Variants in MTMR8 observed in about 807,000 individuals in gnomAD.
MTMR8 encodes myotubularin related protein 8.
In MTMR8, 65 loss-of-function variants were observed where a neutral mutation model predicts 39.3. That is an observed-to-expected ratio of 1.65 (90% CI 1.35 to 2.03). MTMR8 has a LOEUF of 2.03. Ranked by LOEUF, MTMR8 falls within the 30% of genes most tolerant of loss-of-function variation. The probability of loss-of-function intolerance (pLI) is 0.00; values close to 1 mark genes in which losing one functional copy is unlikely to be tolerated. For synonymous variants in MTMR8, 245 were observed against 185.2 expected, an observed-to-expected ratio of 1.32 and a Z score of -2.62; for missense variants, 777 against 538.9, an observed-to-expected ratio of 1.44 and a Z score of -4.37.
chrX:64,394,256 A>G (rs1291309710), intron 1 of MTMR8, among the ~76,000 whole-genome samples: 1 of 111,885 alleles, frequency 8.9e-6, no homozygotes, highest in East Asian at 2.8e-4. Context: ...CCCTCCCACA[A>G]CACGTGAGAA....
At chrX:64,384,587 G>A (rs1352415562) in intron 1 of MTMR8, among the ~76,000 whole-genome samples, 1 of 112,470 alleles carries the variant, frequency 8.9e-6, no homozygotes, top group Non-Finnish European at 1.9e-5. Flanking sequence ...GCCCCTGCAA[G>A]CTTAACACCA....
intron 12 of MTMR8, among the ~76,000 whole-genome samples, chrX:64,326,058 C>G (rs975313593): frequency 8.9e-6 from 1 of 111,878 alleles, no homozygotes; most frequent in Non-Finnish European, 1.9e-5. Flanking sequence ...GTATTATACA[C>G]TGTATTCTTA....
At chrX:64,341,546 G>A (rs1387621128) in intron 8 of MTMR8, among the ~76,000 whole-genome samples, 3 of 106,449 alleles carry the variant, frequency 2.8e-5, no homozygotes, top group Non-Finnish European at 5.8e-5. Flanking sequence ...GTATTAATAT[G>A]TGTAACTCTA....
At chrX:64,317,462 C>A (rs770901666) in intron 12 of MTMR8, among the ~76,000 whole-genome samples, 1 of 111,706 alleles carries the variant, frequency 9.0e-6, no homozygotes, top group Non-Finnish European at 1.9e-5. Flanking sequence ...TTTCCTCTTT[C>A]CCTTCCACTC....
intron 1 of MTMR8, among the ~76,000 whole-genome samples, chrX:64,371,815 T>A (rs777082334): frequency 9.0e-6 from 1 of 110,717 alleles, no homozygotes; most frequent in East Asian, 2.9e-4. Context: ...AAGAACATTA[T>A]ATTAAAATGG....
chrX:64,345,260 A>T lies in MTMR8; in HGVS notation c.733-83T>A. ...CATCAATCTCAATGCCTCATTCTGAACCGTTTAAAATCCTACCCAATTAAA... is the reference window on the plus strand; with the variant it reads ...CATCAATCTCAATGCCTCATTCTGATCCGTTTAAAATCCTACCCAATTAAA... On this transcript the variant is annotated intron_variant, in intron 6 of 13. Coordinates refer to ENST00000374852, the MANE Select transcript of MTMR8 (RefSeq NM_017677.4). 8 of 989,578 alleles carry T rather than the reference A, an allele frequency of 8.1e-6. No homozygotes were observed. The South Asian group carries it at 1.6e-4, about 20-fold the overall frequency. The allele number at this position is 989,578 out of a possible 1,213,427, so 81.6% of individuals were successfully genotyped here.
intron 12 of MTMR8, among the ~76,000 whole-genome samples, chrX:64,327,981 T>C (rs904239162): frequency 8.9e-6 from 1 of 111,986 alleles, no homozygotes; most frequent in South Asian, 3.7e-4. Context: ...AGTACAATTA[T>C]TGTGTCAATT....
At chrX:64,336,052 C>T (rs772770526) in intron 10 of MTMR8, 27 bp downstream of exon 10, 2 of 1,154,328 alleles carry the variant, frequency 1.7e-6, no homozygotes, top group Non-Finnish European at 2.3e-6. Context: ...TCCTCAGCCC[C>T]TTCCTTCAAA....
At chrX:64,313,096 G>T (rs949685733) in intron 12 of MTMR8, among the ~76,000 whole-genome samples, 1 of 112,329 alleles carries the variant, frequency 8.9e-6, no homozygotes, top group African/African-American at 3.2e-5. Flanking sequence ...CCTAACAAAA[G>T]TTAGGCTGTC....
chrX:64,393,603 G>T (rs1025218261), intron 1 of MTMR8, among the ~76,000 whole-genome samples: 1 of 112,073 alleles, frequency 8.9e-6, no homozygotes, highest in Non-Finnish European at 1.9e-5. Context: ...AGAAGAGGGA[G>T]TCTGGACAAC....
intron 11 of MTMR8, among the ~76,000 whole-genome samples, chrX:64,330,493 C>T (rs1158110353): frequency 8.9e-6 from 1 of 111,894 alleles, no homozygotes; most frequent in African/African-American, 3.2e-5. Context: ...ACTAACTCAG[C>T]CAACAGCTGT....
chrX:64,273,921 G>A (rs948908349), intron 12 of MTMR8, among the ~76,000 whole-genome samples: 1 of 111,717 alleles, frequency 9.0e-6, no homozygotes, highest in African/African-American at 3.2e-5. Context: ...AATTATAAAT[G>A]TATATGCATT....
intron 6 of MTMR8, among the ~76,000 whole-genome samples, chrX:64,347,829 A>AAAACTTTG (rs1196463170): frequency 8.9e-6 from 1 of 112,474 alleles, no homozygotes; most frequent in Admixed American, 9.4e-5. Flanking sequence ...AGAGCCACAC[A>AAAACTTTG]AAACTTTGAA....
chrX:64,326,895 C>T (rs1922810820), intron 12 of MTMR8, among the ~76,000 whole-genome samples: 1 of 109,474 alleles, frequency 9.1e-6, no homozygotes, highest in Admixed American at 9.7e-5. Flanking sequence ...AAAAAAAATG[C>T]ATATACAGGC....
intron 2 of MTMR8, among the ~76,000 whole-genome samples, chrX:64,357,938 T>C (rs1473520030): frequency 1.8e-5 from 2 of 111,503 alleles, no homozygotes; most frequent in Non-Finnish European, 3.8e-5. Context: ...GTAGGCAGAC[T>C]AAGGCTGGGA....
intron 1 of MTMR8, among the ~76,000 whole-genome samples, chrX:64,385,158 G>A (rs1924525448): frequency 8.9e-6 from 1 of 111,770 alleles, no homozygotes; most frequent in Non-Finnish European, 1.9e-5. Context: ...AGATCCCTAG[G>A]GCATGGACAC....
In MTMR8 at chrX:64,268,893, T is replaced by C; in HGVS notation, c.1759A>G (p.Thr587Ala). 2 of 1,211,556 alleles carry C rather than the reference T, an allele frequency of 1.7e-6. No homozygotes were observed. Among genetic ancestry groups the C allele is most frequent in the Non-Finnish European group, 2.2e-6 (2 of 895,473 alleles). Residue 587 changes from threonine to alanine, a missense_variant, in exon 14 of 14, where the codon ACC (threonine) becomes GCC (alanine). Physicochemically the swap from Thr to Ala is moderately conservative, Grantham distance 58. Coordinates refer to ENST00000374852, the MANE Select transcript of MTMR8 (RefSeq NM_017677.4). ...CGGAGGCCTCCTTCCCTGGATAGGG[T>C]GCCATTCTCCATCAGGGTATTCAGG... ...GDLNTLMENGTLSREGGLRAQ... is the reference protein window; with the variant it reads ...GDLNTLMENGALSREGGLRAQ...
chrX:64,383,704 A>C (rs976347203), intron 1 of MTMR8, among the ~76,000 whole-genome samples: 40 of 110,601 alleles, frequency 3.6e-4, no homozygotes, highest in East Asian at 1.1e-3. Flanking sequence ...CAGCACTAGA[A>C]GGATGGTACT....
intron 8 of MTMR8, among the ~76,000 whole-genome samples, chrX:64,337,772 C>A (rs765635181): frequency 8.9e-6 from 1 of 111,778 alleles, no homozygotes; most frequent in Non-Finnish European, 1.9e-5. Context: ...GATCTGACAA[C>A]AATCTCCTCT....
Sources: gnomAD v4.1 joint callset for allele counts (sites outside exome capture counted in the v4.1 genomes callset) on GRCh38, gnomAD v4.1.1 for gene constraint, MANE v1.5 for transcripts, NCBI Gene and HGNC (gene_info 2026-07-23, HGNC 2026-07-21) for gene names.